The following SNAPC3 variants were observed in gnomAD, a reference collection of about 807,000 sequenced individuals.
SNAPC3 encodes the protein small nuclear RNA activating complex polypeptide 3, also known as snRNA-activating protein complex subunit 3.
In SNAPC3, 56 loss-of-function variants were observed where a neutral mutation model predicts 47.7. The ratio of observed to expected loss-of-function variants is 1.18; its 90% confidence interval spans 0.95 to 1.47. The LOEUF (loss-of-function observed/expected upper bound fraction) is 1.47, where lower values mean the gene tolerates loss of function less well. SNAPC3 is among the 40% of genes most tolerant of loss of function. The pLI is 0.00. For missense variants in SNAPC3, 665 were observed against 511.3 expected (o/e 1.30, Z -2.90); for synonymous variants, 235 against 189.9 (o/e 1.24, Z -1.95).
chr9:15,426,412 G>A (rs992698336), intron 2 of SNAPC3, among the ~76,000 whole-genome samples: 9 of 152,002 alleles, frequency 5.9e-5, no homozygotes, highest in Admixed American at 3.9e-4. Flanking sequence ...TGTAATATAC[G>A]TGTTTAATTT....
chr9:15,454,182 A>G (rs965479836), intron 7 of SNAPC3, among the ~76,000 whole-genome samples: 3 of 151,790 alleles, frequency 2.0e-5, no homozygotes, highest in Non-Finnish European at 1.5e-5. Flanking sequence ...GTGAGCTATG[A>G]TCATGCCGCT....
chr9:15,422,902 G>T lies in SNAPC3; in HGVS notation c.23G>T (p.Gly8Val), dbSNP rs757300418. 3.9e-6 allele frequency: 6 copies of T among 1,535,640 alleles called. No homozygotes were observed. Among genetic ancestry groups the T allele is most frequent in the Non-Finnish European group, 5.3e-6 (6 of 1,141,572 alleles). The change falls in exon 1 of 9, where the codon GGC becomes GTC. Residue 8 changes from glycine (G) to valine (V), a missense_variant. By Grantham distance (109) the Gly-to-Val change is moderately radical. Coordinates refer to ENST00000380821, the MANE Select transcript of SNAPC3 (RefSeq NM_001039697.2). ...AACATGGCTGAAGGAAGCCGAGGTGGCCCTACGTGTAGCGGGGTGGGTGGC... is the reference window on the plus strand; with the variant it reads ...AACATGGCTGAAGGAAGCCGAGGTGTCCCTACGTGTAGCGGGGTGGGTGGC... MAEGSRG[G>V]PTCSGVGGRQ...
At chr9:15,444,008 T>G (rs1273867060) in intron 3 of SNAPC3, among the ~76,000 whole-genome samples, 1 of 152,236 alleles carries the variant, frequency 6.6e-6, no homozygotes, top group African/African-American at 2.4e-5. Flanking sequence ...TGGAGCTGCC[T>G]ACTCTATTTT....
chr9:15,460,016 TATA>T lies in SNAPC3; in HGVS notation c.*153_*155del. On this transcript the variant is annotated 3_prime_UTR_variant, in exon 9 of 9. Transcript: ENST00000380821. ...AAAAAGTCCAAATGACAGATTTTCT[TATA>T]ATGATAGTATTTAAATGTTTATAAC... The T allele has an allele frequency of 3.8e-6, 2 of 525,334 alleles. No individual in the cohort carries two copies. Among genetic ancestry groups the T allele is most frequent in the East Asian group, 3.0e-5 (1 of 32,792 alleles). 32.5% of individuals were successfully genotyped at this position (525,334 alleles called of 1,614,324 possible).
At chr9:15,428,518 A>G (rs1437460248) in intron 2 of SNAPC3, among the ~76,000 whole-genome samples, 1 of 151,778 alleles carries the variant, frequency 6.6e-6, no homozygotes, top group Non-Finnish European at 1.5e-5. Context: ...CAAAAAAAAA[A>G]AAAAAGAGAA....
At chr9:15,456,971 C>T (rs907910459) in intron 7 of SNAPC3, among the ~76,000 whole-genome samples, 3 of 152,022 alleles carry the variant, frequency 2.0e-5, no homozygotes, top group African/African-American at 4.8e-5. Flanking sequence ...TTGTTAGAGA[C>T]CTTTAGAACA....
intron 5 of SNAPC3, among the ~76,000 whole-genome samples, chr9:15,450,057 C>G (rs1295907559): frequency 6.6e-6 from 1 of 151,894 alleles, no homozygotes; most frequent in East Asian, 1.9e-4. Context: ...TTTTTTAGAA[C>G]CTTTATTTTG....
chr9:15,434,063 G>C (rs2032500570), intron 3 of SNAPC3, among the ~76,000 whole-genome samples: 1 of 151,638 alleles, frequency 6.6e-6, no homozygotes, highest in Non-Finnish European at 1.5e-5. Flanking sequence ...GAATCAATGT[G>C]CTAGGCACTG....
intron 3 of SNAPC3, among the ~76,000 whole-genome samples, chr9:15,439,098 C>A (rs1037219788): frequency 2.6e-5 from 4 of 152,106 alleles, no homozygotes; most frequent in African/African-American, 9.7e-5. Flanking sequence ...CTGCCTCAAC[C>A]TCCTGTGCTC....
intron 3 of SNAPC3, among the ~76,000 whole-genome samples, chr9:15,438,361 T>G (rs2033017871): frequency 6.6e-6 from 1 of 152,144 alleles, no homozygotes; most frequent in Non-Finnish European, 1.5e-5. Flanking sequence ...AATTTGAGCC[T>G]TCTTTTTTCT....
chr9:15,458,084 T>C lies in SNAPC3; in HGVS notation c.1088+17T>C. The C allele has an allele frequency of 7.3e-7, 1 of 1,370,756 alleles. No individual in the cohort carries two copies. The highest frequency in any genetic ancestry group is 9.9e-7 in the Non-Finnish European group (1 of 1,006,728). The allele number at this position is 1,370,756 out of a possible 1,614,324, so 84.9% of individuals were successfully genotyped here. A position where few individuals can be genotyped will look rare whatever the true frequency, so the allele number is the denominator to read the frequency against. The stretch of plus-strand genomic sequence containing the variant: ...TACAGCCAGGTGAGTGATAATGTAT[T>C]TTTTTTTTTCTCTGAGAAATGGCAG... On this transcript the variant is annotated intron_variant, in intron 8 of 8. Coordinates refer to ENST00000380821, the MANE Select transcript of SNAPC3 (RefSeq NM_001039697.2).
downstream of SNAPC3, chr9:15,463,575 T>G (rs1373900301): frequency 1.3e-5 from 2 of 151,890 alleles, no homozygotes; most frequent in Non-Finnish European, 2.9e-5. Flanking sequence ...AGCTGTGGAG[T>G]TTTGACCACA....
intron 2 of SNAPC3, among the ~76,000 whole-genome samples, chr9:15,427,834 C>G (rs1025246010): frequency 2.4e-4 from 36 of 152,150 alleles, no homozygotes; most frequent in African/African-American, 8.4e-4. Flanking sequence ...CTCAAAACTC[C>G]TATTCCACCA....
At chr9:15,441,469 A>C (rs919365821) in intron 3 of SNAPC3, among the ~76,000 whole-genome samples, 6 of 136,650 alleles carry the variant, frequency 4.4e-5, no homozygotes, top group Non-Finnish European at 9.1e-5. Context: ...GTCATAGGAC[A>C]ATAGTGGAGG....
Position 15,447,185 on chromosome 9 carries a change from C to T in SNAPC3, c.673C>T (p.Leu225Phe), listed in dbSNP as rs769794733. 3.7e-6 allele frequency: 6 copies of T among 1,613,856 alleles called. No homozygotes were observed. In the Admixed American group the frequency reaches 8.3e-5, roughly 22 times the overall value. ...GGATTCAATTCGATGTGTCAGTGAC[C>T]TCCAGATTGGTGGTGAATTCAGCAA... ...LRDSIRCVSD[L>F]QIGGEFSNTP... The change falls in exon 5 of 9, where the codon CTC (leucine) becomes TTC (phenylalanine). Residue 225 changes from leucine (L) to phenylalanine (F), a missense_variant. Leu to Phe is a conservative substitution (Grantham distance 22). Transcript: ENST00000380821.
chr9:15,466,657 C>T (rs1464635638), downstream of SNAPC3: 7 of 975,976 alleles, frequency 7.2e-6, no homozygotes, highest in African/African-American at 1.2e-4. Context: ...AAGATAACTG[C>T]TTATTATAGT....
intron 7 of SNAPC3, among the ~76,000 whole-genome samples, chr9:15,455,905 G>A (rs190467078): frequency 4.8e-4 from 72 of 150,982 alleles, no homozygotes; most frequent in African/African-American, 1.7e-3. Flanking sequence ...ACCGAGTTTC[G>A]CTCTTGTTGT....
chr9:15,449,394 C>T (rs1461924634), intron 5 of SNAPC3, among the ~76,000 whole-genome samples: 1 of 151,816 alleles, frequency 6.6e-6, no homozygotes, highest in African/African-American at 2.4e-5. Flanking sequence ...AGGTTTTAAC[C>T]AGGCTTTGTC....
At chr9:15,438,090 C>T (rs1283199557) in intron 3 of SNAPC3, among the ~76,000 whole-genome samples, 1 of 152,088 alleles carries the variant, frequency 6.6e-6, no homozygotes. Flanking sequence ...TAGAATTTAC[C>T]AGTGAAGTCA....
Sources: allele counts gnomAD v4.1 joint callset (sites outside exome capture counted in the v4.1 genomes callset), GRCh38; gene constraint gnomAD v4.1.1; transcripts MANE v1.5; gene names NCBI Gene and HGNC (gene_info 2026-07-23, HGNC 2026-07-21).